ZFR: variants seen among roughly 807,000 people sequenced by gnomAD.
ZFR encodes zinc finger RNA binding protein.
A neutral mutation model predicts 130.7 loss-of-function variants in ZFR; 19 were observed. The observed-to-expected ratio is 0.15, with a 90% CI of 0.10 to 0.21. The LOEUF (loss-of-function observed/expected upper bound fraction) is 0.21. Ranked by LOEUF, ZFR falls within the 10% of genes least tolerant of loss-of-function variation. ZFR has a pLI of 1.00. For synonymous variants in ZFR, 466 were observed against 456.9 expected (o/e 1.02, Z -0.25); for missense variants, 872 against 1,321.5 (o/e 0.66, Z 5.27).
At chr5:32,433,645 T>A (rs1429525452) in intron 2 of ZFR, among the ~76,000 whole-genome samples, 1 of 152,252 alleles carries the variant, frequency 6.6e-6, no homozygotes, top group Non-Finnish European at 1.5e-5. Flanking sequence ...ATTTTCAATT[T>A]TAGATTTGGA....
chr5:32,396,608 C>A (rs1299101737), intron 10 of ZFR, among the ~76,000 whole-genome samples: 1 of 152,010 alleles, frequency 6.6e-6, no homozygotes, highest in Non-Finnish European at 1.5e-5. Context: ...CATGGGGGTG[C>A]ATGCCTGTAA....
chr5:32,393,929 C>T (rs995017798), intron 11 of ZFR, among the ~76,000 whole-genome samples: 1 of 152,050 alleles, frequency 6.6e-6, no homozygotes, highest in Non-Finnish European at 1.5e-5. Context: ...ATATTAATAA[C>T]TATAATAAGG....
At chr5:32,402,962 C>T in intron 8 of ZFR, 144 bp downstream of exon 8, 2 of 736,012 alleles carry the variant, frequency 2.7e-6, no homozygotes, top group South Asian at 3.8e-5. Context: ...AATACACACA[C>T]ACTAGGCAGA....
chr5:32,399,782 C>T (rs1753404297), intron 9 of ZFR, among the ~76,000 whole-genome samples: 1 of 151,928 alleles, frequency 6.6e-6, no homozygotes, highest in Admixed American at 6.6e-5. Context: ...AGTGGCAATA[C>T]ACAGGGAAAA....
chr5:32,374,100 G>C (rs1161817536), intron 17 of ZFR, among the ~76,000 whole-genome samples: 1 of 152,184 alleles, frequency 6.6e-6, no homozygotes, highest in Non-Finnish European at 1.5e-5. Flanking sequence ...TAACAACGTG[G>C]ACTTACTACA....
chr5:32,443,322 C>A lies in ZFR; in HGVS notation c.137+907G>T, dbSNP rs562509614. Among the ~76,000 whole-genome samples the A allele has an allele frequency of 2.6e-5, 4 of 152,360 alleles. No individual in the cohort carries two copies. In the East Asian group the frequency reaches 5.8e-4, roughly 22 times the overall value. On this transcript the variant is annotated intron_variant, in intron 2 of 19. Coordinates refer to ENST00000265069, the MANE Select transcript of ZFR (RefSeq NM_016107.5). ...AAGATGTATAATGAACTACAGACTT[C>A]AGAAATGAGAGCTTCCCTTAAAGCA...
chr5:32,374,739 A>G (rs1752758472), intron 17 of ZFR, among the ~76,000 whole-genome samples: 1 of 151,994 alleles, frequency 6.6e-6, no homozygotes, highest in African/African-American at 2.4e-5. Flanking sequence ...AAAAATCCTA[A>G]AATAGCATAA....
intron 3 of ZFR, among the ~76,000 whole-genome samples, chr5:32,418,192 G>C (rs1469534822): frequency 6.6e-6 from 1 of 151,814 alleles, no homozygotes; most frequent in Non-Finnish European, 1.5e-5. Flanking sequence ...CCCGGGAGGC[G>C]GAGGTTGCAG....
chr5:32,403,235 T>A lies in ZFR; in HGVS notation c.1387A>T (p.Thr463Ser), dbSNP rs150408674. The A allele has an allele frequency of 3.7e-6, 6 of 1,614,098 alleles. No individual in the cohort carries two copies. The highest frequency in any genetic ancestry group is 3.4e-6 in the Non-Finnish European group (4 of 1,180,040). Reference protein sequence around the residue: ...NCTVNTSSVATSSMKGLTTTG... With the variant: ...NCTVNTSSVASSSMKGLTTTG... ...GTCGTAAGACCCTTCATTGAAGACG[T>A]TGCAACTGATGACGTATTCACAGTA... is the stretch of plus-strand genomic sequence containing the variant. The change falls in exon 8 of 20, where the codon ACG (threonine) becomes TCG (serine). Residue 463 changes from threonine to serine, a missense_variant. Coordinates refer to ENST00000265069, the MANE Select transcript of ZFR (RefSeq NM_016107.5).
At chr5:32,367,774 C>T (rs953199215) in intron 17 of ZFR, among the ~76,000 whole-genome samples, 1 of 152,044 alleles carries the variant, frequency 6.6e-6, no homozygotes, top group African/African-American at 2.4e-5. Flanking sequence ...TGTATTTTTT[C>T]CCATCCCATC....
At chr5:32,391,446 A>T (rs929254016) in intron 11 of ZFR, among the ~76,000 whole-genome samples, 2 of 151,804 alleles carry the variant, frequency 1.3e-5, no homozygotes, top group Non-Finnish European at 1.5e-5. Context: ...ACCAAATATA[A>T]CACCTCTGAG....
intron 2 of ZFR, 101 bp from the exon 3 acceptor site, chr5:32,420,204 T>G: frequency 7.6e-7 from 1 of 1,316,398 alleles, no homozygotes; most frequent in Middle Eastern, 2.9e-4. Context: ...AAGCACATTT[T>G]CAAGTAATTT....
At chr5:32,371,626 A>G (rs1304400059) in intron 17 of ZFR, among the ~76,000 whole-genome samples, 1 of 152,166 alleles carries the variant, frequency 6.6e-6, no homozygotes, top group Non-Finnish European at 1.5e-5. Flanking sequence ...AAATTTTCCT[A>G]AACGTAAAAA....
chr5:32,439,817 A>T (rs1754421009), intron 2 of ZFR, among the ~76,000 whole-genome samples: 1 of 150,906 alleles, frequency 6.6e-6, no homozygotes, highest in African/African-American at 2.4e-5. Flanking sequence ...AAAAAAAAAA[A>T]AAAAAAAAAA....
intron 17 of ZFR, among the ~76,000 whole-genome samples, chr5:32,372,302 G>T (rs185616993): frequency 7.9e-4 from 121 of 152,294 alleles, no homozygotes; most frequent in Non-Finnish European, 1.5e-3. Context: ...ATTCTGTAGG[G>T]ACTTTGGGTG....
At chr5:32,364,304 A>G (rs1209272735) in intron 17 of ZFR, 29 bp from the exon 18 acceptor site, 1 of 1,513,450 alleles carries the variant, frequency 6.6e-7, no homozygotes, top group East Asian at 2.3e-5. Flanking sequence ...AATGTGTTTA[A>G]CAGCTTACCA....
intron 2 of ZFR, among the ~76,000 whole-genome samples, chr5:32,427,451 G>T (rs748171213): frequency 6.7e-6 from 1 of 150,254 alleles, no homozygotes; most frequent in East Asian, 1.9e-4. Context: ...GGTGAAAAAC[G>T]TGTGTATTAA....
chr5:32,397,842 C>A (rs1020265514), intron 9 of ZFR, among the ~76,000 whole-genome samples: 1 of 114,000 alleles, frequency 8.8e-6, no homozygotes, highest in African/African-American at 3.3e-5. Flanking sequence ...TGTGTTTGCT[C>A]TTGTATCTTT....
At chr5:32,369,417 G>A (rs1752612365) in intron 17 of ZFR, among the ~76,000 whole-genome samples, 1 of 151,730 alleles carries the variant, frequency 6.6e-6, no homozygotes, top group Admixed American at 6.6e-5. Context: ...TGGGCAGGAA[G>A]AATAATTATA....
Sources: allele counts gnomAD v4.1 joint callset (sites outside exome capture counted in the v4.1 genomes callset), GRCh38; gene constraint gnomAD v4.1.1; transcripts MANE v1.5; gene names NCBI Gene and HGNC (gene_info 2026-07-23, HGNC 2026-07-21).